The following NSMCE2 variants were observed in gnomAD, a reference collection of about 807,000 sequenced individuals.
NSMCE2 encodes E3 SUMO-protein ligase NSE2.
NSMCE2 carries 24 observed loss-of-function variants against 23.8 expected under a neutral mutation model. The ratio of observed to expected loss-of-function variants is 1.01; its 90% CI spans 0.73 to 1.42. NSMCE2 has a LOEUF of 1.42. NSMCE2 is among the 40% of genes most tolerant of loss of function. The pLI is 0.00. For synonymous variants in NSMCE2, 92 were observed against 94.1 expected, an observed-to-expected ratio of 0.98 and a Z score of 0.13; for missense variants, 284 against 296.5, an observed-to-expected ratio of 0.96 and a Z score of 0.31.
chr8:125,293,461 A>C (rs1295569180), intron 5 of NSMCE2, among the ~76,000 whole-genome samples: 6 of 150,846 alleles, frequency 4.0e-5, no homozygotes, highest in Admixed American at 2.0e-4. Flanking sequence ...GTTTATTTTT[A>C]TTTACTGACT....
chr8:125,182,191 C>T lies in NSMCE2; in HGVS notation c.353C>T (p.Ala118Val). The T allele has an allele frequency of 1.9e-6, 3 of 1,605,504 alleles. No individual in the cohort carries two copies. Among genetic ancestry groups the T allele is most frequent in the Non-Finnish European group, 2.6e-6 (3 of 1,174,690 alleles). The change falls in exon 5 of 8, where the codon GCA (alanine) becomes GTA (valine). Residue 118 changes from alanine to valine, a missense_variant. Physicochemically the swap from Ala to Val is moderately conservative, Grantham distance 64. Coordinates refer to ENST00000287437, the MANE Select transcript of NSMCE2 (RefSeq NM_173685.4). ...FLALQSKNSD[A>V]DFQNNEKFVQ... ...GCTTTACAGAGCAAGAATTCTGATG[C>T]AGACTTTCAAAATAATGAAAAATTT... is the stretch of plus-strand genomic sequence containing the variant.
At chr8:125,359,855 G>A (rs10100523) in intron 7 of NSMCE2, among the ~76,000 whole-genome samples, 4,802 of 152,134 alleles carry the variant, frequency 0.032, 240 homozygotes, top group African/African-American at 0.11. Flanking sequence ...TGGGAGACGA[G>A]GACAGTTTTA....
At chr8:125,200,355 G>GT (rs1478877080) in intron 5 of NSMCE2, among the ~76,000 whole-genome samples, 1 of 152,174 alleles carries the variant, frequency 6.6e-6, no homozygotes, top group African/African-American at 2.4e-5. Context: ...AGGAGCTCTT[G>GT]TAAGGCAGGC....
chr8:125,181,906 A>T (rs899973199), intron 4 of NSMCE2, among the ~76,000 whole-genome samples, 197 bp from the exon 5 acceptor site: 1 of 152,176 alleles, frequency 6.6e-6, no homozygotes, highest in Non-Finnish European at 1.5e-5. Context: ...AGTAGTTGGC[A>T]TGAATGAGTC....
chr8:125,205,855 A>G (rs1216249768), intron 5 of NSMCE2, among the ~76,000 whole-genome samples: 4 of 152,204 alleles, frequency 2.6e-5, no homozygotes, highest in Admixed American at 2.0e-4. Context: ...AGCTTTTATA[A>G]TACAATGATT....
intron 5 of NSMCE2, among the ~76,000 whole-genome samples, chr8:125,212,477 G>A (rs11995484): frequency 0.49 from 73,991 of 151,964 alleles, 22,329 homozygotes; most frequent in African/African-American, 0.86. Flanking sequence ...TATTGTGGGA[G>A]CCTCTTGAAC....
intron 5 of NSMCE2, among the ~76,000 whole-genome samples, chr8:125,227,672 A>C (rs993941917): frequency 2.0e-5 from 3 of 152,196 alleles, no homozygotes; most frequent in Non-Finnish European, 2.9e-5. Context: ...GAATTCCTTT[A>C]TATTCAATCT....
intron 5 of NSMCE2, among the ~76,000 whole-genome samples, chr8:125,326,540 G>A (rs544350437): frequency 1.3e-5 from 2 of 152,182 alleles, no homozygotes; most frequent in South Asian, 2.1e-4. Context: ...CTGAGAATTG[G>A]CATTGTGGGA....
At chr8:125,252,355 T>C (rs556143245) in intron 5 of NSMCE2, among the ~76,000 whole-genome samples, 65 of 152,222 alleles carry the variant, frequency 4.3e-4, no homozygotes, top group Admixed American at 2.3e-3. Flanking sequence ...GGTGAAACCC[T>C]GTCTCTACTA....
At position 125,331,286 on chromosome 8, in the gene NSMCE2, C is replaced by T. The variant is rs369815347; in HGVS notation, c.419-25933C>T. 1.7e-4 allele frequency among the ~76,000 whole-genome samples: 26 copies of T among 152,020 alleles called. No individual in the cohort carries two copies. In the East Asian group the frequency reaches 2.5e-3, roughly 15 times the overall value. On this transcript the variant is annotated intron_variant, in intron 5 of 7. Coordinates refer to ENST00000287437, the MANE Select transcript of NSMCE2 (RefSeq NM_173685.4). Reference sequence around the variant, plus strand: ...CTGCACTCCAGCCTGGGTGACAGAGCGAGACTCCGTCTCAAAAAATAAAAA... The same window carrying T: ...CTGCACTCCAGCCTGGGTGACAGAGTGAGACTCCGTCTCAAAAAATAAAAA...
At chr8:125,170,397 TTTTTTTTTTTTTTTTTTTA>T (rs1822132929) in intron 4 of NSMCE2, among the ~76,000 whole-genome samples, 1 of 107,896 alleles carries the variant, frequency 9.3e-6, no homozygotes, top group Non-Finnish European at 1.9e-5. Flanking sequence ...TTTTTTTTTT[TTTTTTTTTTTTTTTTTTTA>T]AGACAGAGTC....
chr8:125,107,440 C>G (rs1402210004), intron 3 of NSMCE2, among the ~76,000 whole-genome samples: 1 of 152,034 alleles, frequency 6.6e-6, no homozygotes, highest in Non-Finnish European at 1.5e-5. Flanking sequence ...GATCCACCCT[C>G]CTCGACCTCC....
chr8:125,162,133 T>C (rs1321806539), intron 4 of NSMCE2, among the ~76,000 whole-genome samples: 1 of 152,202 alleles, frequency 6.6e-6, no homozygotes. Context: ...AGTTCTTCTC[T>C]TGCAAAATCA....
chr8:125,134,394 G>C (rs1000262260), intron 3 of NSMCE2, among the ~76,000 whole-genome samples: 1 of 152,124 alleles, frequency 6.6e-6, no homozygotes, highest in African/African-American at 2.4e-5. Flanking sequence ...TATATTAAGG[G>C]AACTCTATAG....
rs762627643 is a variant in NSMCE2 at position 125,228,397 on chromosome 8, CAT to C, written c.418+46144_418+46145del. ...GAAGCTTACAATTCAGTGATGGTAA[CAT>C]ATGTAAATATGTGATAATGTAACAC... On this transcript the variant is annotated intron_variant, in intron 5 of 7. Coordinates refer to ENST00000287437, the MANE Select transcript of NSMCE2 (RefSeq NM_173685.4). 6.8e-4 allele frequency among the ~76,000 whole-genome samples: 104 copies of C among 152,082 alleles called. 2 individuals carry two copies. The highest frequency in any genetic ancestry group is 2.8e-4 in the Non-Finnish European group (19 of 68,024).
intron 5 of NSMCE2, among the ~76,000 whole-genome samples, chr8:125,279,324 A>G (rs1017145164): frequency 6.6e-6 from 1 of 152,228 alleles, no homozygotes; most frequent in Admixed American, 6.5e-5. Context: ...TAGCATGAAC[A>G]TTACATTTTC....
At chr8:125,312,298 C>T (rs1829002986) in intron 5 of NSMCE2, among the ~76,000 whole-genome samples, 1 of 151,940 alleles carries the variant, frequency 6.6e-6, no homozygotes, top group Non-Finnish European at 1.5e-5. Context: ...TTAATTTCTC[C>T]AGTTACTCAA....
At position 125,268,454 on chromosome 8, in the gene NSMCE2, C is replaced by T. The variant is rs560782207; in HGVS notation, c.418+86198C>T. Among the ~76,000 whole-genome samples the T allele has an allele frequency of 9.9e-5, 15 of 152,038 alleles. No homozygotes were observed. In the South Asian group the frequency reaches 2.9e-3, roughly 29 times the overall value. On this transcript the variant is annotated intron_variant, in intron 5 of 7. Coordinates refer to ENST00000287437, the MANE Select transcript of NSMCE2 (RefSeq NM_173685.4). ...ATGATCACTCCATTAACAACAACAACAACAAGCAAAAAGAACTATTTGGAG... is the reference window on the plus strand; with the variant it reads ...ATGATCACTCCATTAACAACAACAATAACAAGCAAAAAGAACTATTTGGAG...
intron 3 of NSMCE2, among the ~76,000 whole-genome samples, chr8:125,120,133 A>G (rs1483145681): frequency 6.6e-6 from 1 of 152,250 alleles, no homozygotes. Flanking sequence ...AGAATCTTAC[A>G]GTACATGTCA....
Sources: gnomAD v4.1 joint callset for allele counts (sites outside exome capture counted in the v4.1 genomes callset) on GRCh38, gnomAD v4.1.1 for gene constraint, MANE v1.5 for transcripts, NCBI Gene and HGNC (gene_info 2026-07-23, HGNC 2026-07-21) for gene names.